The following GMDS variants were observed in gnomAD, a reference collection of about 807,000 sequenced individuals.
GMDS encodes the protein GDP-mannose 4,6 dehydratase.
GMDS carries 20 observed loss-of-function variants against 49.9 expected under a neutral mutation model. The ratio of observed to expected loss-of-function variants is 0.40; its 90% CI spans 0.28 to 0.58. GMDS has a LOEUF of 0.58. Among genes scored for constraint, GMDS ranks in the 20% least tolerant of loss-of-function variants. The pLI, the probability that GMDS is intolerant of heterozygous loss-of-function variation, is 0.42. For missense variants in GMDS, 362 were observed against 481.4 expected (o/e 0.75, Z 2.32); for synonymous variants, 177 against 178.6 (o/e 0.99, Z 0.07).
At chr6:1,972,054 T>G (rs1465918758) in intron 4 of GMDS, among the ~76,000 whole-genome samples, 1 of 152,150 alleles carries the variant, frequency 6.6e-6, no homozygotes, top group African/African-American at 2.4e-5. Flanking sequence ...AAATGTTGAG[T>G]TCTGCACCCC....
chr6:1,902,282 A>C (rs1760539006), intron 7 of GMDS, among the ~76,000 whole-genome samples: 1 of 152,248 alleles, frequency 6.6e-6, no homozygotes, highest in African/African-American at 2.4e-5. Flanking sequence ...AAAATATAGA[A>C]TAAAAGGCAA....
At chr6:2,225,903 C>A (rs1780791707) in intron 1 of GMDS, among the ~76,000 whole-genome samples, 1 of 152,044 alleles carries the variant, frequency 6.6e-6, no homozygotes, top group Non-Finnish European at 1.5e-5. Flanking sequence ...GTAATCAGAC[C>A]TCGACCACAG....
At position 1,688,577 on chromosome 6, in the gene GMDS, T is replaced by G. The variant is rs9392319; in HGVS notation, c.987+37839A>C. Among the ~76,000 whole-genome samples, 16 of 152,158 alleles carry G rather than the reference T, an allele frequency of 1.1e-4. No individual in the cohort carries two copies. The East Asian group carries it at 3.1e-3, about 29-fold the overall frequency. ...TCAAAGCATATATTTAGCTATTGAG[T>G]CACAAATCCACTGCAGCTCTCATGA... On this transcript the variant is annotated intron_variant, in intron 9 of 10. Transcript: ENST00000380815.
At chr6:1,637,956 C>G (rs1207485440) in intron 9 of GMDS, among the ~76,000 whole-genome samples, 1 of 152,174 alleles carries the variant, frequency 6.6e-6, no homozygotes, top group Non-Finnish European at 1.5e-5. Flanking sequence ...GGTTACTAGC[C>G]CATTAACCTA....
chr6:1,715,030 G>C (rs577219260), intron 9 of GMDS, among the ~76,000 whole-genome samples: 1 of 152,120 alleles, frequency 6.6e-6, no homozygotes, highest in Admixed American at 6.5e-5. Flanking sequence ...GTGGAGAAAC[G>C]AACAGAACCT....
intron 7 of GMDS, among the ~76,000 whole-genome samples, chr6:1,852,339 T>C (rs920670571): frequency 3.9e-5 from 6 of 152,208 alleles, no homozygotes; most frequent in Non-Finnish European, 5.9e-5. Context: ...TTACAGTATG[T>C]CCTTTTGTTC....
chr6:1,997,499 C>A (rs1766365447), intron 4 of GMDS, among the ~76,000 whole-genome samples: 1 of 128,398 alleles, frequency 7.8e-6, no homozygotes, highest in Admixed American at 8.1e-5. Context: ...CAGAGTGAGA[C>A]TCTGTCTCAA....
chr6:1,931,888 T>C (rs1363918340), intron 6 of GMDS, among the ~76,000 whole-genome samples: 2 of 152,270 alleles, frequency 1.3e-5, no homozygotes, highest in East Asian at 3.9e-4. Context: ...CACCCACCAA[T>C]CACTAAGCAC....
At chr6:1,957,396 T>C (rs1203773553) in intron 6 of GMDS, among the ~76,000 whole-genome samples, 1 of 152,236 alleles carries the variant, frequency 6.6e-6, no homozygotes, top group Non-Finnish European at 1.5e-5. Context: ...TACTGTCAGA[T>C]TAATTTAATC....
At chr6:2,176,273 T>A (rs760565583) in intron 1 of GMDS, among the ~76,000 whole-genome samples, 57 of 151,360 alleles carry the variant, frequency 3.8e-4, no homozygotes, top group South Asian at 1.0e-3. Context: ...TTAAAAAAAA[T>A]TTTTTTTTCT....
chr6:1,799,539 A>G (rs967687023), intron 7 of GMDS, among the ~76,000 whole-genome samples: 5 of 152,224 alleles, frequency 3.3e-5, no homozygotes, highest in Non-Finnish European at 5.9e-5. Context: ...AGGTGAAAGA[A>G]GACGAGAAAA....
chr6:1,791,961 T>C (rs1016764518), intron 7 of GMDS, among the ~76,000 whole-genome samples: 6 of 152,180 alleles, frequency 3.9e-5, no homozygotes, highest in Non-Finnish European at 7.3e-5. Context: ...TCAATACTTA[T>C]AGTTTGCCAA....
At chr6:1,795,543 T>C (rs961663214) in intron 7 of GMDS, among the ~76,000 whole-genome samples, 3 of 152,198 alleles carry the variant, frequency 2.0e-5, no homozygotes, top group South Asian at 2.1e-4. Context: ...TATTTCCTTA[T>C]TGGGGAAAAA....
At chr6:2,077,572 G>T (rs953009889) in intron 4 of GMDS, among the ~76,000 whole-genome samples, 1 of 152,164 alleles carries the variant, frequency 6.6e-6, no homozygotes, top group South Asian at 2.1e-4. Flanking sequence ...CTGCTTACGT[G>T]ATGTATCACA....
chr6:2,184,711 A>G (rs936818499), intron 1 of GMDS, among the ~76,000 whole-genome samples: 1 of 152,236 alleles, frequency 6.6e-6, no homozygotes, highest in Non-Finnish European at 1.5e-5. Flanking sequence ...ATTTTCTTTT[A>G]AAAATGTAAC....
At chr6:1,885,186 A>G (rs530758780) in intron 7 of GMDS, among the ~76,000 whole-genome samples, 78 of 152,292 alleles carry the variant, frequency 5.1e-4, no homozygotes, top group African/African-American at 1.9e-3. Flanking sequence ...TGGACTCCTG[A>G]TTCTGGAAAA....
At chr6:2,086,092 G>T (rs1772996510) in intron 4 of GMDS, among the ~76,000 whole-genome samples, 1 of 152,182 alleles carries the variant, frequency 6.6e-6, no homozygotes, top group African/African-American at 2.4e-5. Flanking sequence ...CACTGGTTTT[G>T]ATTGTTTGCT....
At chr6:1,624,446 C>T (rs1415979522) in intron 10 of GMDS, 26 bp downstream of exon 10, 14 of 1,594,840 alleles carry the variant, frequency 8.8e-6, no homozygotes, top group South Asian at 4.4e-5. Context: ...CCGCAGCGGG[C>T]GGCGTGCGCC....
chr6:1,940,042 G>A (rs907992079), intron 6 of GMDS, among the ~76,000 whole-genome samples: 1 of 152,186 alleles, frequency 6.6e-6, no homozygotes, highest in African/African-American at 2.4e-5. Flanking sequence ...CCCTACAGGA[G>A]GTTCACTAAG....
Sources: gnomAD v4.1 joint callset for allele counts (sites outside exome capture counted in the v4.1 genomes callset) on GRCh38, gnomAD v4.1.1 for gene constraint, MANE v1.5 for transcripts, NCBI Gene and HGNC (gene_info 2026-07-23, HGNC 2026-07-21) for gene names.